NYAP2: variants seen among roughly 807,000 people sequenced by gnomAD.
The protein encoded by NYAP2 is neuronal tyrosine-phosphorylated phosphoinositide-3-kinase adapter 2.
In NYAP2, 23 loss-of-function variants were observed where a neutral mutation model predicts 50.4. The ratio of observed to expected loss-of-function variants is 0.46; its 90% confidence interval spans 0.33 to 0.65. The LOEUF (loss-of-function observed/expected upper bound fraction) is 0.65. Ranked by LOEUF, NYAP2 falls within the 30% of genes least tolerant of loss-of-function variation. The pLI is 0.02. For synonymous variants in NYAP2, 394 were observed against 365.2 expected, an observed-to-expected ratio of 1.08 and a Z score of -0.90; for missense variants, 885 against 861.0, an observed-to-expected ratio of 1.03 and a Z score of -0.35.
At position 225,526,346 on chromosome 2, in the gene NYAP2, A is replaced by G. The variant is rs1691150342; in HGVS notation, c.523+12674A>G. On this transcript the variant is annotated intron_variant, in intron 4 of 6. Coordinates refer to ENST00000636099, the Ensembl canonical transcript of NYAP2. Reference sequence around the variant, plus strand: ...GTGTCTGACAAATAGCAGATGCTTGATAACCCTACTTCCCTTCCCCTGTCA... The same window carrying G: ...GTGTCTGACAAATAGCAGATGCTTGGTAACCCTACTTCCCTTCCCCTGTCA... 2.6e-5 allele frequency among the ~76,000 whole-genome samples: 4 copies of G among 152,224 alleles called. No homozygotes were observed. In the South Asian group the frequency reaches 8.3e-4, roughly 31 times the overall value.
chr2:225,494,014 CTT>C (rs955970751), intron 3 of NYAP2, among the ~76,000 whole-genome samples: 12 of 152,150 alleles, frequency 7.9e-5, no homozygotes, highest in African/African-American at 2.9e-4. Flanking sequence ...CTGATTACCT[CTT>C]TTATCTTGCC....
chr2:225,421,534 C>A (rs1695214512), intron 3 of NYAP2, among the ~76,000 whole-genome samples: 1 of 152,212 alleles, frequency 6.6e-6, no homozygotes, highest in Non-Finnish European at 1.5e-5. Context: ...GAAGACTCTT[C>A]TCTCAGGAGT....
chr2:225,639,927 C>A (rs1174150911), intron 6 of NYAP2, among the ~76,000 whole-genome samples: 2 of 152,108 alleles, frequency 1.3e-5, no homozygotes, highest in Non-Finnish European at 2.9e-5. Context: ...GATGCCAGAA[C>A]TCTGTGACGC....
Position 225,622,557 on chromosome 2 carries a change from CTTT to C in NYAP2, c.1619-4357_1619-4355del, listed in dbSNP as rs66652942. ...TCTTTCTTTCTTTCTTTCTTTCTTT[CTTT>C]TTCTTTCTTTCTTTCTTTCTTCTTT... On this transcript the variant is annotated intron_variant, in intron 5 of 6. Transcript: ENST00000636099. 2.6e-3 allele frequency among the ~76,000 whole-genome samples: 128 copies of C among 48,650 alleles called. 3 individuals carry two copies. Among genetic ancestry groups the C allele is most frequent in the Middle Eastern group, 0.021 (2 of 94 alleles). The allele number at this position is 48,650 out of a possible 152,430, so 31.9% of individuals were successfully genotyped here.
chr2:225,498,018 A>T (rs1045488294), intron 3 of NYAP2, among the ~76,000 whole-genome samples: 2 of 152,168 alleles, frequency 1.3e-5, no homozygotes, highest in African/African-American at 4.8e-5. Flanking sequence ...TATTCTACTG[A>T]AGCAAAATTT....
intron 4 of NYAP2, among the ~76,000 whole-genome samples, chr2:225,515,214 A>G (rs1395329332): frequency 6.6e-6 from 1 of 152,230 alleles, no homozygotes; most frequent in Non-Finnish European, 1.5e-5. Flanking sequence ...CTTGCATGTA[A>G]GTATATGTGG....
chr2:225,485,918 A>G (rs1317467312), intron 3 of NYAP2, among the ~76,000 whole-genome samples: 1 of 152,154 alleles, frequency 6.6e-6, no homozygotes, highest in Non-Finnish European at 1.5e-5. Context: ...CATGGCCTCT[A>G]ATCATTAGAT....
the NYAP2 span, among the ~76,000 whole-genome samples, chr2:225,682,230 C>CT: frequency 1.3e-5 from 2 of 152,048 alleles, no homozygotes; most frequent in African/African-American, 2.4e-5. Flanking sequence ...AATATAGGGT[C>CT]TTTATTATCT....
chr2:225,411,841 A>C (rs1695047147), intron 3 of NYAP2, among the ~76,000 whole-genome samples: 1 of 151,958 alleles, frequency 6.6e-6, no homozygotes, highest in African/African-American at 2.4e-5. Context: ...TGTTATTAAT[A>C]AGAACAATTT....
At chr2:225,677,625 G>C in the NYAP2 span, among the ~76,000 whole-genome samples, 1 of 151,994 alleles carries the variant, frequency 6.6e-6, no homozygotes, top group African/African-American at 2.4e-5. Flanking sequence ...TATCATGAAG[G>C]GATATTGGAT....
chr2:225,667,385 A>G, the NYAP2 span, among the ~76,000 whole-genome samples: 2 of 152,218 alleles, frequency 1.3e-5, no homozygotes, highest in Admixed American at 1.3e-4. Flanking sequence ...GTCTGAAGTC[A>G]TACAATTTGT....
At chr2:225,407,821 T>C (rs1321942894) in intron 2 of NYAP2, among the ~76,000 whole-genome samples, 1 of 151,940 alleles carries the variant, frequency 6.6e-6, no homozygotes, top group Non-Finnish European at 1.5e-5. Flanking sequence ...ACAATTAATA[T>C]GCAATTAGGA....
intron 4 of NYAP2, among the ~76,000 whole-genome samples, chr2:225,515,000 G>A (rs1240124306): frequency 6.6e-6 from 1 of 152,180 alleles, no homozygotes; most frequent in Non-Finnish European, 1.5e-5. Context: ...GGCAGTCCAT[G>A]AGATCAGATG....
intron 2 of NYAP2, among the ~76,000 whole-genome samples, chr2:225,402,416 A>G (rs1164667540): frequency 6.6e-6 from 1 of 152,076 alleles, no homozygotes; most frequent in African/African-American, 2.4e-5. Flanking sequence ...CCTTGTAAGC[A>G]TCTGGAACCA....
chr2:225,398,275 C>A (rs1379941950), upstream of NYAP2, among the ~76,000 whole-genome samples: 7 of 151,926 alleles, frequency 4.6e-5, no homozygotes, highest in Non-Finnish European at 1.5e-5. Flanking sequence ...ACAAGTAAGT[C>A]TGTTTACTTA....
intron 6 of NYAP2, among the ~76,000 whole-genome samples, chr2:225,637,112 G>A (rs780774345): frequency 3.3e-5 from 5 of 152,108 alleles, no homozygotes; most frequent in African/African-American, 1.2e-4. Context: ...ATAATAACAG[G>A]TAAGTAGAGT....
At chr2:225,442,702 A>G (rs1689489841) in intron 3 of NYAP2, among the ~76,000 whole-genome samples, 1 of 152,054 alleles carries the variant, frequency 6.6e-6, no homozygotes, top group Admixed American at 6.5e-5. Flanking sequence ...CAGGCTCCCG[A>G]GTAGCTGGGA....
At chr2:225,609,713 G>T (rs1692847743) in intron 5 of NYAP2, among the ~76,000 whole-genome samples, 1 of 152,022 alleles carries the variant, frequency 6.6e-6, no homozygotes, top group African/African-American at 2.4e-5. Flanking sequence ...CAGAGCTAAG[G>T]GTGGTACTTT....
At chr2:225,445,986 A>ATTGTGATTATTAAGTAATT (rs1689547203) in intron 3 of NYAP2, among the ~76,000 whole-genome samples, 1 of 151,950 alleles carries the variant, frequency 6.6e-6, no homozygotes, top group Non-Finnish European at 1.5e-5. Context: ...TCATAGAGTT[A>ATTGTGATTATTAAGTAATT]TTGTGATTAT....
Sources: allele counts gnomAD v4.1 joint callset (sites outside exome capture counted in the v4.1 genomes callset), GRCh38; gene constraint gnomAD v4.1.1; transcripts MANE v1.5; gene names NCBI Gene and HGNC (gene_info 2026-07-23, HGNC 2026-07-21).